Variants in FRMD4A observed in about 807,000 individuals in gnomAD.
The protein encoded by FRMD4A is FERM domain containing 4A.
Under a neutral mutation model 129.1 loss-of-function variants are expected in FRMD4A, and 29 were observed. The ratio of observed to expected loss-of-function variants is 0.22; its 90% CI spans 0.17 to 0.31. The LOEUF (loss-of-function observed/expected upper bound fraction) is 0.31. Ranked by LOEUF, FRMD4A falls within the 10% of genes least tolerant of loss-of-function variation. FRMD4A has a pLI of 1.00. For missense variants in FRMD4A, 1,272 were observed against 1,375.8 expected, an observed-to-expected ratio of 0.92 and a Z score of 1.19; for synonymous variants, 634 against 571.6, an observed-to-expected ratio of 1.11 and a Z score of -1.56.
chr10:14,102,742 C>A, intron 2 of FRMD4A, among the ~76,000 whole-genome samples: 1 of 145,912 alleles, frequency 6.9e-6, no homozygotes, highest in African/African-American at 2.5e-5. Context: ...GCTTCTAGTA[C>A]AACTTTCTTG....
chr10:13,697,110 T>G (rs2134848890), intron 14 of FRMD4A, among the ~76,000 whole-genome samples: 1 of 151,618 alleles, frequency 6.6e-6, no homozygotes, highest in South Asian at 2.1e-4. Context: ...TAAAGGAGAC[T>G]AGATTCCTGG....
intron 2 of FRMD4A, among the ~76,000 whole-genome samples, chr10:13,931,705 C>T (rs1422196316): frequency 1.3e-5 from 2 of 148,702 alleles, no homozygotes; most frequent in South Asian, 2.1e-4. Flanking sequence ...TGGGAGGCCA[C>T]GGTGGGCAGA....
rs1479467743 is a variant in FRMD4A at position 14,330,587 on chromosome 10, C to T, written c.-82+10G>A. 3 of 402,698 alleles carry T rather than the reference C, an allele frequency of 7.4e-6. No homozygotes were observed. Among genetic ancestry groups the T allele is most frequent in the East Asian group, 3.5e-5 (1 of 28,318 alleles). 24.9% of individuals were successfully genotyped at this position (402,698 alleles called of 1,614,324 possible). A position where few individuals can be genotyped will look rare whatever the true frequency, so the allele number is the denominator to read the frequency against. On this transcript the variant is annotated intron_variant, in intron 1 of 24. Coordinates refer to ENST00000357447, the MANE Select transcript of FRMD4A (RefSeq NM_018027.5). ...TCTGCTGCATAAACATGCTGAATGTCACAACATACCGCTCGCAATCTGGTC... is the reference window on the plus strand; with the variant it reads ...TCTGCTGCATAAACATGCTGAATGTTACAACATACCGCTCGCAATCTGGTC...
intron 3 of FRMD4A, among the ~76,000 whole-genome samples, chr10:13,854,398 C>G (rs945948041): frequency 1.3e-5 from 2 of 152,090 alleles, no homozygotes; most frequent in African/African-American, 2.4e-5. Context: ...AGGGTGGCTC[C>G]TCTCATTTTG....
chr10:13,945,339 A>AT (rs923574552), intron 2 of FRMD4A, among the ~76,000 whole-genome samples: 17 of 151,968 alleles, frequency 1.1e-4, no homozygotes, highest in African/African-American at 3.4e-4. Context: ...TTGTCATGTG[A>AT]TTTTTTTTAA....
chr10:13,924,748 T>C (rs1347798831), intron 2 of FRMD4A, among the ~76,000 whole-genome samples: 7 of 152,158 alleles, frequency 4.6e-5, no homozygotes, highest in Admixed American at 4.6e-4. Context: ...CTCGGCGTTA[T>C]CCCTGATGTT....
At chr10:14,237,463 T>A (rs1192860934) in intron 2 of FRMD4A, among the ~76,000 whole-genome samples, 1 of 152,174 alleles carries the variant, frequency 6.6e-6, no homozygotes, top group East Asian at 1.9e-4. Context: ...CCTGAGTAGC[T>A]GGGATTACAG....
intron 2 of FRMD4A, among the ~76,000 whole-genome samples, chr10:13,971,089 T>C (rs1047756386): frequency 1.3e-5 from 2 of 151,938 alleles, no homozygotes; most frequent in African/African-American, 2.4e-5. Context: ...CACACATAGG[T>C]ACACTCACAC....
At chr10:13,802,895 C>G (rs2093284285) in intron 4 of FRMD4A, among the ~76,000 whole-genome samples, 1 of 152,138 alleles carries the variant, frequency 6.6e-6, no homozygotes, top group Non-Finnish European at 1.5e-5. Context: ...CAAGGACAGA[C>G]CAGGCACTTT....
rs574930841 is a variant in FRMD4A, at chr10:14,094,661, T to G, written c.45+235397A>C. 2.6e-5 allele frequency among the ~76,000 whole-genome samples: 4 copies of G among 152,192 alleles called. No individual in the cohort carries two copies. In the South Asian group the frequency reaches 6.2e-4, roughly 24 times the overall value. ...ATCCTGTCTGCTTCAGAAACCACCT[T>G]GCCTCTCTCTATTGGGCATGCAGTT... On this transcript the variant is annotated intron_variant, in intron 2 of 24. Transcript: ENST00000357447.
At chr10:14,145,331 ATGTATACAAT>A (rs1223229361) in intron 2 of FRMD4A, among the ~76,000 whole-genome samples, 2 of 152,190 alleles carry the variant, frequency 1.3e-5, no homozygotes, top group Non-Finnish European at 2.9e-5. Context: ...TATCAAGATA[ATGTATACAAT>A]TAACTAATAC....
intron 12 of FRMD4A, among the ~76,000 whole-genome samples, chr10:13,733,094 C>T (rs1341357877): frequency 6.6e-6 from 1 of 152,236 alleles, no homozygotes; most frequent in African/African-American, 2.4e-5. Flanking sequence ...AGACTTTTGG[C>T]TTAGGTGCGG....
At chr10:13,908,553 A>T (rs967289660) in intron 2 of FRMD4A, among the ~76,000 whole-genome samples, 8 of 152,220 alleles carry the variant, frequency 5.3e-5, no homozygotes, top group Non-Finnish European at 7.3e-5. Context: ...CATTTATTGG[A>T]TTCCATGGTG....
intron 5 of FRMD4A, among the ~76,000 whole-genome samples, chr10:13,785,660 C>T (rs1405356742): frequency 6.6e-6 from 1 of 152,034 alleles, no homozygotes; most frequent in Non-Finnish European, 1.5e-5. Context: ...CTAGGGTACA[C>T]ATGCACAACG....
intron 4 of FRMD4A, among the ~76,000 whole-genome samples, chr10:13,808,936 G>A: frequency 6.6e-6 from 1 of 152,218 alleles, no homozygotes; most frequent in East Asian, 1.9e-4. Context: ...TCCACTACTA[G>A]AGGGGGCAAG....
intron 2 of FRMD4A, among the ~76,000 whole-genome samples, chr10:14,057,540 C>T (rs1834594756): frequency 6.6e-6 from 1 of 151,620 alleles, no homozygotes; most frequent in Admixed American, 6.6e-5. Context: ...AAACCAAAGG[C>T]CTCCCTTCCT....
intron 2 of FRMD4A, among the ~76,000 whole-genome samples, chr10:14,114,221 A>G (rs541635753): frequency 5.3e-5 from 8 of 152,152 alleles, no homozygotes; most frequent in Admixed American, 4.6e-4. Context: ...CCTTTTGGTT[A>G]TTTTCCTCAG....
At chr10:14,115,453 G>C (rs889236903) in intron 2 of FRMD4A, among the ~76,000 whole-genome samples, 1 of 152,148 alleles carries the variant, frequency 6.6e-6, no homozygotes, top group Non-Finnish European at 1.5e-5. Context: ...CCAGAGATGA[G>C]GATATTGCTT....
intron 2 of FRMD4A, among the ~76,000 whole-genome samples, chr10:13,967,127 G>A (rs1309247071): frequency 6.6e-6 from 1 of 152,228 alleles, no homozygotes; most frequent in Non-Finnish European, 1.5e-5. Flanking sequence ...ACGAGGTCAG[G>A]AAATTGAGAC....
Sources: gnomAD v4.1 joint callset for allele counts (sites outside exome capture counted in the v4.1 genomes callset) on GRCh38, gnomAD v4.1.1 for gene constraint, MANE v1.5 for transcripts, NCBI Gene and HGNC (gene_info 2026-07-23, HGNC 2026-07-21) for gene names.